Variants in LRRTM3 observed in about 807,000 individuals in gnomAD.
LRRTM3 encodes the protein leucine rich repeat transmembrane neuronal 3, also known as leucine-rich repeat transmembrane neuronal protein 3.
A neutral mutation model predicts 44.7 loss-of-function variants in LRRTM3; 24 were observed. That is an observed-to-expected ratio of 0.54 (90% CI 0.39 to 0.76). LRRTM3 has a LOEUF of 0.76. Among genes scored for constraint, LRRTM3 ranks in the 30% least tolerant of loss-of-function variants. The pLI, the probability that LRRTM3 is intolerant of heterozygous loss-of-function variation, is 0.00. For synonymous variants in LRRTM3, 277 were observed against 278.7 expected, an observed-to-expected ratio of 0.99 and a Z score of 0.06; for missense variants, 587 against 702.2, an observed-to-expected ratio of 0.84 and a Z score of 1.85.
At chr10:66,991,067 G>A (rs990723389) in intron 2 of LRRTM3, among the ~76,000 whole-genome samples, 4 of 152,168 alleles carry the variant, frequency 2.6e-5, no homozygotes, top group Admixed American at 2.6e-4. Context: ...ACACGCTGCA[G>A]AAGAACCTTC....
At chr10:66,973,939 A>T (rs537321231) in intron 2 of LRRTM3, among the ~76,000 whole-genome samples, 2 of 152,212 alleles carry the variant, frequency 1.3e-5, no homozygotes, top group Admixed American at 6.5e-5. Flanking sequence ...TTTTTAATCA[A>T]CTTTATTGAA....
At chr10:66,983,719 A>G (rs1243611719) in intron 2 of LRRTM3, among the ~76,000 whole-genome samples, 3 of 152,220 alleles carry the variant, frequency 2.0e-5, no homozygotes, top group Admixed American at 6.5e-5. Context: ...CTCCACAGCA[A>G]AATAAATTAT....
In LRRTM3 at chr10:67,086,894, T is replaced by C. The variant is rs184100801; in HGVS notation, c.1537-10693T>C. On this transcript the variant is annotated intron_variant, in intron 2 of 2. Transcript: ENST00000361320. ...AACCTAGACCAAAAACATTAACTGA[T>C]GTAGTGTTATTATAAGACCCTCCAG... Among the ~76,000 whole-genome samples the C allele has an allele frequency of 1.1e-3, 161 of 152,142 alleles. 1 individual carries two copies. Among genetic ancestry groups the C allele is most frequent in the African/African-American group, 3.7e-3 (155 of 41,532 alleles).
At chr10:67,073,558 G>C (rs1311717998) in intron 2 of LRRTM3, among the ~76,000 whole-genome samples, 2 of 151,288 alleles carry the variant, frequency 1.3e-5, no homozygotes, top group Non-Finnish European at 2.9e-5. Flanking sequence ...CTATGATTAA[G>C]CCCAATAAAG....
chr10:67,029,839 C>T (rs1479886128), intron 2 of LRRTM3, among the ~76,000 whole-genome samples: 1 of 152,138 alleles, frequency 6.6e-6, no homozygotes, highest in East Asian at 1.9e-4. Context: ...AGCACGGTTC[C>T]TCAATGACAC....
intron 2 of LRRTM3, among the ~76,000 whole-genome samples, chr10:67,073,710 C>A (rs1253041907): frequency 2.7e-5 from 4 of 150,066 alleles, no homozygotes; most frequent in Admixed American, 6.6e-5. Flanking sequence ...AACAAAAGAT[C>A]AAAAAAAATC....
chr10:67,023,664 G>A (rs928275112), intron 2 of LRRTM3, among the ~76,000 whole-genome samples: 1 of 152,152 alleles, frequency 6.6e-6, no homozygotes, highest in Non-Finnish European at 1.5e-5. Context: ...AATCTATGGA[G>A]AAAAATTGAG....
chr10:66,943,591 G>A (rs191193358), intron 2 of LRRTM3, among the ~76,000 whole-genome samples: 2 of 151,426 alleles, frequency 1.3e-5, no homozygotes, highest in East Asian at 1.9e-4. Flanking sequence ...CTCTCACGGC[G>A]AGGTGTTTTG....
At chr10:67,088,787 C>T (rs1278255631) in intron 2 of LRRTM3, among the ~76,000 whole-genome samples, 1 of 151,984 alleles carries the variant, frequency 6.6e-6, no homozygotes, top group Non-Finnish European at 1.5e-5. Context: ...ATTCTCGTTA[C>T]AGACACTTGA....
intron 1 of LRRTM3, 130 bp downstream of exon 1, chr10:66,926,717 C>T (rs1319588593): frequency 5.2e-6 from 6 of 1,143,370 alleles, no homozygotes; most frequent in Admixed American, 2.3e-5. Flanking sequence ...AATTTATTTG[C>T]TTAGTGGCAT....
At chr10:66,935,523 T>C (rs577075534) in intron 2 of LRRTM3, among the ~76,000 whole-genome samples, 1 of 152,188 alleles carries the variant, frequency 6.6e-6, no homozygotes, top group Non-Finnish European at 1.5e-5. Context: ...GTAACATCAC[T>C]GAATTATGAT....
In LRRTM3 at chr10:66,928,257, G is replaced by C; in HGVS notation, c.1341G>C (p.Ala447=). Residue 447 remains alanine, a synonymous_variant, in exon 2 of 3, where the codon GCG becomes GCC. Transcript: ENST00000361320. ...VIYVSWKRYP[A]SMKQLQQRSL... is the part of the protein sequence containing the mutation. The stretch of plus-strand genomic sequence containing the variant: ...ACGTGTCATGGAAGCGGTACCCTGC[G>C]AGCATGAAGCAGCTGCAGCAGCGCT... The C allele has an allele frequency of 6.2e-7, 1 of 1,614,070 alleles. No homozygotes were observed. The highest frequency in any genetic ancestry group is 1.1e-5 in the South Asian group (1 of 91,066).
At chr10:67,072,238 G>A (rs1856505523) in intron 2 of LRRTM3, among the ~76,000 whole-genome samples, 1 of 152,182 alleles carries the variant, frequency 6.6e-6, no homozygotes, top group African/African-American at 2.4e-5. Flanking sequence ...ATAGGCATAA[G>A]CCACCATGCC....
intron 2 of LRRTM3, among the ~76,000 whole-genome samples, chr10:66,949,249 TC>T (rs1848418799): frequency 6.6e-6 from 1 of 152,038 alleles, no homozygotes; most frequent in Admixed American, 6.6e-5. Context: ...ATGATAAACA[TC>T]CCCTTTAAAA....
At chr10:67,080,013 T>G (rs1169368631) in intron 2 of LRRTM3, among the ~76,000 whole-genome samples, 1 of 152,118 alleles carries the variant, frequency 6.6e-6, no homozygotes, top group Non-Finnish European at 1.5e-5. Context: ...GTTTTGGTTT[T>G]GTTTTGTTTT....
At chr10:67,035,836 A>T (rs1854013751) in intron 2 of LRRTM3, among the ~76,000 whole-genome samples, 1 of 152,208 alleles carries the variant, frequency 6.6e-6, no homozygotes, top group African/African-American at 2.4e-5. Flanking sequence ...TCTGCATTTT[A>T]CAAAGAAACT....
intron 2 of LRRTM3, among the ~76,000 whole-genome samples, chr10:66,997,161 T>C (rs1016577300): frequency 3.3e-5 from 5 of 152,144 alleles, no homozygotes; most frequent in African/African-American, 1.2e-4. Context: ...GTGTCAAGCA[T>C]TTGGCAAAAC....
chr10:67,012,348 T>C (rs1852391631), intron 2 of LRRTM3: 1 of 152,218 alleles, frequency 6.6e-6, no homozygotes, highest in East Asian at 1.9e-4. Flanking sequence ...GATGCCCACC[T>C]ACAGGTCAGT....
chr10:66,947,387 A>G (rs948110249), intron 2 of LRRTM3, among the ~76,000 whole-genome samples: 1 of 152,108 alleles, frequency 6.6e-6, no homozygotes, highest in Non-Finnish European at 1.5e-5. Context: ...TGAAATTACC[A>G]TTTCACTATA....
Sources: allele counts gnomAD v4.1 joint callset (sites outside exome capture counted in the v4.1 genomes callset), GRCh38; gene constraint gnomAD v4.1.1; transcripts MANE v1.5; gene names NCBI Gene and HGNC (gene_info 2026-07-23, HGNC 2026-07-21).